VSIG10: variants seen among roughly 807,000 people sequenced by gnomAD.
VSIG10 encodes the protein V-set and immunoglobulin domain containing 10, also known as V-set and immunoglobulin domain-containing protein 10.
Under a neutral mutation model 58.7 loss-of-function variants are expected in VSIG10, and 48 were observed. The ratio of observed to expected loss-of-function variants is 0.82; its 90% CI spans 0.65 to 1.04. The LOEUF (loss-of-function observed/expected upper bound fraction) is 1.04, where lower values mean the gene tolerates loss of function less well. Ranked by LOEUF, VSIG10 falls within the 50% of genes least tolerant of loss-of-function variation. The probability of loss-of-function intolerance (pLI) is 0.00; values close to 1 mark genes in which losing one functional copy is unlikely to be tolerated. For synonymous variants in VSIG10, 260 were observed against 267.1 expected, an observed-to-expected ratio of 0.97 and a Z score of 0.26; for missense variants, 628 against 670.0, an observed-to-expected ratio of 0.94 and a Z score of 0.69.
At chr12:118,103,537 C>T in intron 1 of VSIG10, 56 bp downstream of exon 1, 5 of 1,466,746 alleles carry the variant, frequency 3.4e-6, no homozygotes, top group Non-Finnish European at 4.5e-6. Flanking sequence ...TCGCTGTCCC[C>T]TCCCCACCGC....
Position 118,071,484 on chromosome 12 carries a change from C to T in VSIG10, c.1220-15G>A. 1 of 1,606,080 alleles carries T rather than the reference C, an allele frequency of 6.2e-7. No homozygotes were observed. Among genetic ancestry groups the T allele is most frequent in the East Asian group, 2.2e-5 (1 of 44,836 alleles). The stretch of plus-strand genomic sequence containing the variant: ...ATTTAAAGGTTCTGTAAAGACAAAT[C>T]ACACCATTGATTCTTCCATCAGATA... On this transcript the variant is annotated splice_polypyrimidine_tract_variant and intron_variant, in intron 5 of 8. Coordinates refer to ENST00000359236, the MANE Select transcript of VSIG10 (RefSeq NM_019086.6).
chr12:118,078,477 G>C (rs1186705681), intron 4 of VSIG10, among the ~76,000 whole-genome samples: 1 of 152,014 alleles, frequency 6.6e-6, no homozygotes, highest in Non-Finnish European at 1.5e-5. Context: ...TTGTTAAAAA[G>C]AGTTTGGCAC....
rs1436343998 is a variant in VSIG10 at position 118,103,974 on chromosome 12, CT to C, written c.-304del. On this transcript the variant is annotated 5_prime_UTR_variant, in exon 1 of 9. Transcript: ENST00000359236. ...GCGGAAAACAACAGGAGCGGGATCC[CT>C]CCCGCCTCCCAGCCAGGCGGGAGCC... 1 of 288,210 alleles carries C rather than the reference CT, an allele frequency of 3.5e-6. No individual in the cohort carries two copies. Among genetic ancestry groups the C allele is most frequent in the Admixed American group, 5.3e-5 (1 of 18,934 alleles). 17.9% of individuals were successfully genotyped at this position (288,210 alleles called of 1,614,324 possible).
At chr12:118,099,280 G>GT (rs1190402526) in intron 1 of VSIG10, among the ~76,000 whole-genome samples, 4 of 143,930 alleles carry the variant, frequency 2.8e-5, no homozygotes, top group Non-Finnish European at 4.6e-5. Flanking sequence ...GTAAAAAACT[G>GT]TTTTTTTCTT....
At chr12:118,069,422 C>CTTTTTT (rs1227167306) in intron 7 of VSIG10, among the ~76,000 whole-genome samples, 8 of 111,632 alleles carry the variant, frequency 7.2e-5, no homozygotes, top group South Asian at 3.0e-4. Context: ...TCTTCTTCTT[C>CTTTTTT]TTCTTTTTTT....
chr12:118,091,482 ACT>A (rs1206123067), intron 2 of VSIG10, among the ~76,000 whole-genome samples: 4 of 146,842 alleles, frequency 2.7e-5, no homozygotes, highest in Admixed American at 6.9e-5. Context: ...ACAGAGCAAG[ACT>A]CTGTCTCAAA....
chr12:118,068,194 C>CTTTTTCT (rs2032328598), intron 8 of VSIG10, among the ~76,000 whole-genome samples, 183 bp downstream of exon 8: 2 of 100,296 alleles, frequency 2.0e-5, no homozygotes, highest in African/African-American at 7.7e-5. Flanking sequence ...GCTAATTTTT[C>CTTTTTCT]TTTTTTTTTT....
At chr12:118,086,757 T>C (rs891144790) in intron 2 of VSIG10, among the ~76,000 whole-genome samples, 2 of 152,238 alleles carry the variant, frequency 1.3e-5, no homozygotes, top group East Asian at 1.9e-4. Flanking sequence ...ATCAATTTAT[T>C]TATTTACTTA....
intron 8 of VSIG10, among the ~76,000 whole-genome samples, chr12:118,067,556 C>A (rs892995204): frequency 2.6e-5 from 4 of 151,492 alleles, no homozygotes; most frequent in African/African-American, 9.7e-5. Flanking sequence ...CTCCGTCTCC[C>A]GGGTTCAAGT....
At chr12:118,103,533 TC>T (rs2033674412) in intron 1 of VSIG10, 59 bp downstream of exon 1, 2 of 1,453,716 alleles carry the variant, frequency 1.4e-6, no homozygotes, top group Non-Finnish European at 1.8e-6. Flanking sequence ...TCTCTCGCTG[TC>T]CCCTCCCCAC....
In VSIG10 at chr12:118,086,077, G is replaced by C. The variant is rs562746526; in HGVS notation, c.362-3648C>G. On this transcript the variant is annotated intron_variant, in intron 2 of 8. Transcript: ENST00000359236. ...GGGAGGCGAGGCAGGAGAATCGCTT[G>C]AACCCGGGAGGCAGAGGTTGCAGTG... Among the ~76,000 whole-genome samples, 18 of 151,922 alleles carry C rather than the reference G, an allele frequency of 1.2e-4. No individual in the cohort carries two copies. In the South Asian group the frequency reaches 3.7e-3, roughly 32 times the overall value.
chr12:118,087,553 G>A (rs1183804101), intron 2 of VSIG10, among the ~76,000 whole-genome samples: 1 of 152,042 alleles, frequency 6.6e-6, no homozygotes, highest in African/African-American at 2.4e-5. Context: ...AGAGAAGGAG[G>A]GGGCTGGGCG....
At position 118,066,628 on chromosome 12, in the gene VSIG10, C is replaced by G; in HGVS notation, c.*11G>C. On this transcript the variant is annotated 3_prime_UTR_variant, in exon 9 of 9. Coordinates refer to ENST00000359236, the MANE Select transcript of VSIG10 (RefSeq NM_019086.6). ...CTTTCAGAGCAAGACAACCATGGAC[C>G]ATCCTCTTCTTCAGACTGGCCTGTC... 6.2e-7 allele frequency: 1 copy of G among 1,613,720 alleles called. No individual in the cohort carries two copies. Among genetic ancestry groups the G allele is most frequent in the Non-Finnish European group, 8.5e-7 (1 of 1,179,766 alleles).
chr12:118,092,764 T>G (rs1192946079), intron 2 of VSIG10, among the ~76,000 whole-genome samples: 1 of 151,488 alleles, frequency 6.6e-6, no homozygotes, highest in African/African-American at 2.4e-5. Context: ...GCCTCCTGAG[T>G]AGCTGGAACT....
At chr12:118,092,436 GCAAA>G (rs770243495) in intron 2 of VSIG10, among the ~76,000 whole-genome samples, 2 of 152,060 alleles carry the variant, frequency 1.3e-5, no homozygotes, top group Non-Finnish European at 2.9e-5. Context: ...CCAGTGACCA[GCAAA>G]CTCTCTCTGT....
intron 7 of VSIG10, among the ~76,000 whole-genome samples, chr12:118,069,425 C>T (rs11068804): frequency 0.52 from 53,856 of 104,064 alleles, 15,641 homozygotes; most frequent in East Asian, 0.9. Context: ...TCTTCTTCTT[C>T]TTTTTTTTTT....
In VSIG10 at chr12:118,068,549, T is replaced by C. The variant is rs1022711889; in HGVS notation, c.1395A>G (p.Glu465=). The C allele has an allele frequency of 2.9e-5, 47 of 1,594,328 alleles. No homozygotes were observed. In the Admixed American group the frequency reaches 6.5e-4, roughly 22 times the overall value. Residue 465 remains glutamate, a synonymous_variant, in exon 8 of 9, where the codon GAA becomes GAG. Transcript: ENST00000359236. Reference sequence around the variant, plus strand: ...CCTCCTCCTCCTCCTCCTCCTCCTCTTCCTCTTCTGAATCCACCAAAACCA... The same window carrying C: ...CCTCCTCCTCCTCCTCCTCCTCCTCCTCCTCTTCTGAATCCACCAAAACCA... The part of the protein sequence containing the change: ...DVMVLVDSEE[E]EEEEEEEEED...
intron 2 of VSIG10, among the ~76,000 whole-genome samples, chr12:118,084,471 C>T (rs553495749): frequency 6.6e-6 from 1 of 152,316 alleles, no homozygotes; most frequent in East Asian, 1.9e-4. Flanking sequence ...ACTGTGATAT[C>T]ACCTTTATAG....
intron 2 of VSIG10, among the ~76,000 whole-genome samples, chr12:118,084,894 C>G (rs531562940): frequency 3.6e-4 from 55 of 152,298 alleles, no homozygotes; most frequent in African/African-American, 1.3e-3. Context: ...TGGCGGGCGC[C>G]TGTAGTCCCA....
Sources: gnomAD v4.1 joint callset for allele counts (sites outside exome capture counted in the v4.1 genomes callset) on GRCh38, gnomAD v4.1.1 for gene constraint, MANE v1.5 for transcripts, NCBI Gene and HGNC (gene_info 2026-07-23, HGNC 2026-07-21) for gene names.